MTUS2: variants seen among roughly 807,000 people sequenced by gnomAD.
MTUS2 encodes the protein microtubule-associated tumor suppressor candidate 2.
Under a neutral mutation model 114.1 loss-of-function variants are expected in MTUS2, and 40 were observed. The observed-to-expected ratio is 0.35, with a 90% CI of 0.27 to 0.46. The LOEUF (loss-of-function observed/expected upper bound fraction) is 0.46. MTUS2 is among the 20% of genes least tolerant of loss of function. The probability of loss-of-function intolerance (pLI) is 1.00; values close to 1 mark genes in which losing one functional copy is unlikely to be tolerated. For synonymous variants in MTUS2, 688 were observed against 672.0 expected (o/e 1.02, Z -0.37); for missense variants, 1,679 against 1,705.4 (o/e 0.98, Z 0.27).
At chr13:29,391,972 A>G (rs1873514847) in intron 8 of MTUS2, among the ~76,000 whole-genome samples, 2 of 151,526 alleles carry the variant, frequency 1.3e-5, no homozygotes, top group African/African-American at 4.9e-5. Flanking sequence ...TGTCTCTACT[A>G]AAAAAAATTA....
intron 5 of MTUS2, chr13:29,239,415 C>A (rs533445904): frequency 1.7e-4 from 26 of 152,316 alleles, no homozygotes; most frequent in African/African-American, 6.3e-4. Context: ...TCTGAGTTGA[C>A]AGTGATACCA....
At chr13:29,119,892 C>T (rs1236660156) in intron 5 of MTUS2, among the ~76,000 whole-genome samples, 2 of 152,086 alleles carry the variant, frequency 1.3e-5, no homozygotes, top group Non-Finnish European at 2.9e-5. Context: ...GTGAGTTTGA[C>T]ACAAAATTAA....
chr13:29,452,639 T>A (rs1164348841), intron 9 of MTUS2, among the ~76,000 whole-genome samples: 1 of 151,218 alleles, frequency 6.6e-6, no homozygotes, highest in Admixed American at 6.6e-5. Flanking sequence ...AGACAGGGTC[T>A]CACTGTGTTG....
At chr13:29,291,386 C>A in intron 6 of MTUS2, among the ~76,000 whole-genome samples, 1 of 152,198 alleles carries the variant, frequency 6.6e-6, no homozygotes, top group East Asian at 1.9e-4. Flanking sequence ...CTTAAGCCTC[C>A]ATTTTTGTTT....
chr13:29,074,745 T>C (rs1029048471), intron 4 of MTUS2, among the ~76,000 whole-genome samples: 1 of 152,196 alleles, frequency 6.6e-6, no homozygotes, highest in African/African-American at 2.4e-5. Flanking sequence ...ATCTTTGATC[T>C]TACTTCTTTA....
Position 28,953,717 on chromosome 13 carries a change from C to A in MTUS2, c.-242-70740C>A, listed in dbSNP as rs372652339. On this transcript the variant is annotated intron_variant, in intron 2 of 15. Transcript: ENST00000612955. ...TGCATTCCTAGGTTGTACATATAGT[C>A]CCCTCCCTAGATTTTCTTCTTAAGA... is the stretch of plus-strand genomic sequence containing the variant. Among the ~76,000 whole-genome samples, 37 of 152,238 alleles carry A rather than the reference C, an allele frequency of 2.4e-4. 1 individual carries two copies. The East Asian group carries it at 3.5e-3, about 14-fold the overall frequency.
At chr13:28,896,562 A>G (rs1303357299) in intron 2 of MTUS2, among the ~76,000 whole-genome samples, 4 of 152,218 alleles carry the variant, frequency 2.6e-5, no homozygotes, top group East Asian at 1.9e-4. Flanking sequence ...TTTAAAGTTC[A>G]TATGGAACCA....
intron 7 of MTUS2, among the ~76,000 whole-genome samples, chr13:29,356,486 GCT>G (rs1244470594): frequency 6.6e-6 from 1 of 152,210 alleles, no homozygotes. Flanking sequence ...TTCAACATAA[GCT>G]CTCTGTCCCC....
At chr13:29,490,545 C>T (rs1001086039) in intron 11 of MTUS2, among the ~76,000 whole-genome samples, 4 of 152,256 alleles carry the variant, frequency 2.6e-5, no homozygotes, top group African/African-American at 9.6e-5. Context: ...CTCTTTCTGC[C>T]TAACTTGCAA....
intron 4 of MTUS2, among the ~76,000 whole-genome samples, chr13:29,058,289 G>T (rs1332497837): frequency 6.6e-6 from 1 of 151,438 alleles, no homozygotes; most frequent in Non-Finnish European, 1.5e-5. Context: ...TCTTACGAGG[G>T]TTCTCTGAAT....
intron 8 of MTUS2, chr13:29,428,482 T>G: frequency 3.6e-6 from 1 of 276,622 alleles, no homozygotes; most frequent in Non-Finnish European, 6.7e-6. Context: ...AGGCTGTCCT[T>G]TTAGGGAGCC....
Position 29,417,541 on chromosome 13 carries a change from A to G in MTUS2, c.3118-22442A>G, listed in dbSNP as rs115075482. 5.7e-3 allele frequency among the ~76,000 whole-genome samples: 863 copies of G among 152,132 alleles called. 9 individuals carry two copies. Among genetic ancestry groups the G allele is most frequent in the African/African-American group, 0.02 (823 of 41,514 alleles). ...GTTCTTGGTTGTTTTCCTACCTTTT[A>G]AAATGCCCCTTAGTAAATTTTCATG... On this transcript the variant is annotated intron_variant, in intron 8 of 15. Transcript: ENST00000612955.
intron 5 of MTUS2, among the ~76,000 whole-genome samples, chr13:29,122,564 A>G (rs1891355667): frequency 1.3e-5 from 2 of 150,780 alleles, no homozygotes; most frequent in South Asian, 2.1e-4. Context: ...CTCCCATGAC[A>G]TGTGGGAATT....
chr13:29,169,473 C>T (rs1002792770), intron 5 of MTUS2, among the ~76,000 whole-genome samples: 4 of 152,104 alleles, frequency 2.6e-5, no homozygotes, highest in Non-Finnish European at 5.9e-5. Flanking sequence ...TGAGCTTTTA[C>T]CAGAAAAATA....
intron 6 of MTUS2, 40 bp from the exon 7 acceptor site, chr13:29,324,573 G>C (rs762526176): frequency 1.1e-5 from 16 of 1,449,464 alleles, no homozygotes; most frequent in Middle Eastern, 1.7e-4. Context: ...ATTTTAAGTA[G>C]CTTACTTTCT....
At chr13:29,378,509 C>G (rs1158972931) in intron 8 of MTUS2, among the ~76,000 whole-genome samples, 1 of 152,086 alleles carries the variant, frequency 6.6e-6, no homozygotes, top group African/African-American at 2.4e-5. Context: ...CGTGCCCCCT[C>G]TGACTTGGCC....
intron 5 of MTUS2, among the ~76,000 whole-genome samples, chr13:29,227,258 C>CA (rs10680419): frequency 0.051 from 6,195 of 120,546 alleles, 298 homozygotes; most frequent in Non-Finnish European, 0.077. Context: ...GACTCCGTCT[C>CA]AAAAAAAAAA....
chr13:29,318,391 C>CTTTTTTTTTTTTTTCTTTTT (rs71090240), intron 6 of MTUS2, among the ~76,000 whole-genome samples: 14 of 135,038 alleles, frequency 1.0e-4, no homozygotes, highest in East Asian at 4.2e-4. Flanking sequence ...ATTTCTTTTT[C>CTTTTTTTTTTTTTTCTTTTT]TTTTTTTTTT....
chr13:29,336,683 C>G (rs1232737230), intron 7 of MTUS2, among the ~76,000 whole-genome samples: 6 of 152,234 alleles, frequency 3.9e-5, no homozygotes, highest in African/African-American at 1.2e-4. Context: ...GGGAAATCCA[C>G]TGCTCTCTTC....
Sources: allele counts gnomAD v4.1 joint callset (sites outside exome capture counted in the v4.1 genomes callset), GRCh38; gene constraint gnomAD v4.1.1; transcripts MANE v1.5; gene names NCBI Gene and HGNC (gene_info 2026-07-23, HGNC 2026-07-21).